Variants in ZZZ3 observed in about 807,000 individuals in gnomAD.
ZZZ3 encodes the protein zinc finger ZZ-type containing 3.
In ZZZ3, 22 loss-of-function variants were observed where a neutral mutation model predicts 95.2. The ratio of observed to expected loss-of-function variants is 0.23; its 90% CI spans 0.17 to 0.33. The LOEUF is 0.33. Ranked by LOEUF, ZZZ3 falls within the 10% of genes least tolerant of loss-of-function variation. The probability of loss-of-function intolerance (pLI) is 1.00; values close to 1 mark genes in which losing one functional copy is unlikely to be tolerated. For synonymous variants in ZZZ3, 335 were observed against 358.9 expected, an observed-to-expected ratio of 0.93 and a Z score of 0.75; for missense variants, 885 against 1,066.5, an observed-to-expected ratio of 0.83 and a Z score of 2.37.
In ZZZ3 at chr1:77,563,320, G is replaced by C. The variant is rs372798025; in HGVS notation, c.*2320C>G. The stretch of plus-strand genomic sequence containing the variant: ...GATGGTAGCCTACCGGCAAATGACA[G>C]CTCTGCCCATTATTCCTGCAACTCT... On this transcript the variant is annotated 3_prime_UTR_variant, in exon 15 of 15. Transcript: ENST00000370801. 4 of 152,296 alleles carry C rather than the reference G, an allele frequency of 2.6e-5. No homozygotes were observed. Among genetic ancestry groups the C allele is most frequent in the African/African-American group, 9.6e-5 (4 of 41,566 alleles). The allele number at this position is 152,296 out of a possible 1,614,324, so 9.4% of individuals were successfully genotyped here.
intron 1 of ZZZ3, among the ~76,000 whole-genome samples, chr1:77,655,491 T>G (rs375782050): frequency 6.6e-6 from 1 of 152,210 alleles, no homozygotes; most frequent in African/African-American, 2.4e-5. Flanking sequence ...AACTGGGCCG[T>G]TGCCAACACT....
At chr1:77,639,349 G>T in intron 4 of ZZZ3, 100 bp downstream of exon 4, 1 of 941,170 alleles carries the variant, frequency 1.1e-6, no homozygotes, top group Non-Finnish European at 1.5e-6. Context: ...GCCACCCAGA[G>T]GATGTATGGA....
chr1:77,627,031 G>C (rs1485277734), intron 5 of ZZZ3, among the ~76,000 whole-genome samples: 4 of 152,104 alleles, frequency 2.6e-5, no homozygotes, highest in Middle Eastern at 3.2e-3. Flanking sequence ...CCTAACCTCA[G>C]GGTAAAGAAT....
intron 5 of ZZZ3, among the ~76,000 whole-genome samples, chr1:77,604,839 T>C (rs1227482021): frequency 2.0e-5 from 3 of 152,232 alleles, no homozygotes; most frequent in Admixed American, 6.5e-5. Flanking sequence ...ATGCTTGTCA[T>C]TGTTTATAGA....
At chr1:77,636,245 T>G (rs1264829884) in intron 4 of ZZZ3, among the ~76,000 whole-genome samples, 1 of 152,190 alleles carries the variant, frequency 6.6e-6, no homozygotes, top group Non-Finnish European at 1.5e-5. Flanking sequence ...AAAAACCTCT[T>G]AAATTATTCC....
intron 5 of ZZZ3, among the ~76,000 whole-genome samples, chr1:77,628,510 G>A (rs1667517736): frequency 1.3e-5 from 2 of 152,194 alleles, no homozygotes; most frequent in South Asian, 4.1e-4. Flanking sequence ...AACATCCACA[G>A]ATTTGTTTCC....
chr1:77,668,924 TTTA>T (rs981460220), intron 1 of ZZZ3, among the ~76,000 whole-genome samples: 6 of 152,206 alleles, frequency 3.9e-5, no homozygotes, highest in African/African-American at 1.4e-4. Flanking sequence ...AGCTCTGATC[TTTA>T]TTATTAGTGA....
chr1:77,611,843 A>C (rs1183716024), intron 5 of ZZZ3, among the ~76,000 whole-genome samples: 1 of 152,032 alleles, frequency 6.6e-6, no homozygotes. Flanking sequence ...AACGAGTGAA[A>C]GACCTAAATA....
At chr1:77,679,691 T>C (rs140792020) in intron 1 of ZZZ3, among the ~76,000 whole-genome samples, 28 of 152,358 alleles carry the variant, frequency 1.8e-4, no homozygotes, top group South Asian at 8.3e-4. Context: ...TCACTGTTAA[T>C]AGTTTCCTCT....
At chr1:77,589,562 C>T (rs1230022226) in intron 5 of ZZZ3, among the ~76,000 whole-genome samples, 4 of 151,824 alleles carry the variant, frequency 2.6e-5, no homozygotes, top group Non-Finnish European at 5.9e-5. Flanking sequence ...CTCAGCCTCC[C>T]GAGTAGCTAG....
At chr1:77,650,108 A>G (rs1355408450) in intron 1 of ZZZ3, among the ~76,000 whole-genome samples, 1 of 152,194 alleles carries the variant, frequency 6.6e-6, no homozygotes, top group Non-Finnish European at 1.5e-5. Flanking sequence ...AACCACCACT[A>G]AAAAGCAGAT....
intron 5 of ZZZ3, among the ~76,000 whole-genome samples, chr1:77,620,806 T>C (rs954815265): frequency 1.3e-5 from 2 of 152,102 alleles, no homozygotes; most frequent in African/African-American, 2.4e-5. Flanking sequence ...TCAAAATTCA[T>C]CAGTATATAG....
At position 77,591,577 on chromosome 1, in the gene ZZZ3, CA is replaced by C. The variant is rs529854437; in HGVS notation, c.1506-6923del. On this transcript the variant is annotated intron_variant, in intron 5 of 14. Transcript: ENST00000370801. The stretch of plus-strand genomic sequence containing the variant: ...CAGGTTGGTCTTGAACTCCTGGCCT[CA>C]AGGGATCCTCCCAGGTCAGCCTACC... 1.2e-3 allele frequency among the ~76,000 whole-genome samples: 188 copies of C among 152,266 alleles called. 1 individual carries two copies. The highest frequency in any genetic ancestry group is 4.2e-3 in the African/African-American group (175 of 41,548).
intron 5 of ZZZ3, among the ~76,000 whole-genome samples, chr1:77,626,693 A>G (rs1209474052): frequency 6.6e-6 from 1 of 152,188 alleles, no homozygotes; most frequent in Non-Finnish European, 1.5e-5. Flanking sequence ...GCCAGACCAG[A>G]GGGGTAAATC....
At chr1:77,658,778 C>T (rs1170869753) in intron 1 of ZZZ3, among the ~76,000 whole-genome samples, 5 of 152,110 alleles carry the variant, frequency 3.3e-5, no homozygotes, top group Admixed American at 3.3e-4. Flanking sequence ...ATTTAAAATG[C>T]TGTGATTAAC....
At chr1:77,576,934 C>T (rs961496637) in intron 11 of ZZZ3, among the ~76,000 whole-genome samples, 4 of 152,174 alleles carry the variant, frequency 2.6e-5, no homozygotes, top group South Asian at 2.1e-4. Flanking sequence ...ATTCCTATAA[C>T]GTAGTTATCA....
At chr1:77,633,804 T>C (rs903868157) in intron 4 of ZZZ3, among the ~76,000 whole-genome samples, 1 of 152,204 alleles carries the variant, frequency 6.6e-6, no homozygotes, top group African/African-American at 2.4e-5. Context: ...TGCCTCACTG[T>C]GTATCTGCCT....
At chr1:77,658,515 C>CTT (rs111821277) in intron 1 of ZZZ3, among the ~76,000 whole-genome samples, 58,422 of 131,424 alleles carry the variant, frequency 0.44, 14,074 homozygotes, top group African/African-American at 0.68. Context: ...CACATCCTGG[C>CTT]TTTTTTTTTT....
intron 3 of ZZZ3, among the ~76,000 whole-genome samples, chr1:77,640,624 A>C (rs959630641): frequency 6.6e-6 from 1 of 151,680 alleles, no homozygotes; most frequent in Non-Finnish European, 1.5e-5. Flanking sequence ...AAAAGAGAGA[A>C]TGTACAATCT....
Sources: gnomAD v4.1 joint callset for allele counts (sites outside exome capture counted in the v4.1 genomes callset) on GRCh38, gnomAD v4.1.1 for gene constraint, MANE v1.5 for transcripts, NCBI Gene and HGNC (gene_info 2026-07-23, HGNC 2026-07-21) for gene names.